The following ESRRG variants were observed in gnomAD, a reference collection of about 807,000 sequenced individuals.
ESRRG encodes the protein estrogen related receptor gamma, also known as estrogen-related receptor gamma.
Under a neutral mutation model 44.0 loss-of-function variants are expected in ESRRG, and 13 were observed. The ratio of observed to expected loss-of-function variants is 0.30; its 90% CI spans 0.19 to 0.47. The LOEUF is 0.47. Among genes scored for constraint, ESRRG ranks in the 20% least tolerant of loss-of-function variants. The pLI, the probability that ESRRG is intolerant of heterozygous loss-of-function variation, is 1.00. For synonymous variants in ESRRG, 215 were observed against 214.6 expected, an observed-to-expected ratio of 1.00 and a Z score of -0.02; for missense variants, 395 against 580.6, an observed-to-expected ratio of 0.68 and a Z score of 3.29.
At position 216,532,385 on chromosome 1, in the gene ESRRG, G is replaced by A. The variant is rs116225362; in HGVS notation, c.863-12964C>T. ...ATCCCAGAGCTGCACTAAAGTGACCGCTAAACAGAGCTGCACAGATGGAGG... is the reference window on the plus strand; with the variant it reads ...ATCCCAGAGCTGCACTAAAGTGACCACTAAACAGAGCTGCACAGATGGAGG... On this transcript the variant is annotated intron_variant, in intron 5 of 6. Coordinates refer to ENST00000408911, the MANE Select transcript of ESRRG (RefSeq NM_001438.4). 6.9e-3 allele frequency among the ~76,000 whole-genome samples: 1,056 copies of A among 152,238 alleles called. 6 individuals are homozygous for A. The highest frequency in any genetic ancestry group is 0.024 in the African/African-American group (996 of 41,548).
upstream of ESRRG, among the ~76,000 whole-genome samples, chr1:217,094,359 G>A (rs191181750): frequency 1.2e-4 from 18 of 152,300 alleles, no homozygotes; most frequent in East Asian, 1.9e-4. Context: ...TTCAACTCAC[G>A]TGTAGCTTGA....
intron 1 of ESRRG, among the ~76,000 whole-genome samples, chr1:217,085,953 G>T (rs189908116): frequency 6.6e-6 from 1 of 152,154 alleles, no homozygotes; most frequent in African/African-American, 2.4e-5. Context: ...TTGCAAAGCC[G>T]TATGATTTCA....
intron 1 of ESRRG, among the ~76,000 whole-genome samples, chr1:217,008,202 C>T (rs570620454): frequency 1.4e-4 from 21 of 152,284 alleles, no homozygotes; most frequent in African/African-American, 4.8e-4. Context: ...ATATGGGCAA[C>T]GTAACTATTA....
chr1:217,015,468 C>A (rs1245508760), intron 1 of ESRRG, among the ~76,000 whole-genome samples: 1 of 152,016 alleles, frequency 6.6e-6, no homozygotes, highest in Admixed American at 6.6e-5. Context: ...AAACTAGTAT[C>A]TTTTCTTTCA....
chr1:216,807,715 TA>T (rs35032983), intron 2 of ESRRG, among the ~76,000 whole-genome samples: 192 of 147,054 alleles, frequency 1.3e-3, no homozygotes, highest in African/African-American at 2.8e-3. Flanking sequence ...CCTTTGCCAA[TA>T]AAAAAAAAAA....
chr1:217,076,746 C>G (rs1056970896), intron 1 of ESRRG: 1 of 152,224 alleles, frequency 6.6e-6, no homozygotes. Flanking sequence ...ACCTATTCCT[C>G]TTATGTCAAG....
At chr1:216,510,019 G>A (rs946380020) in intron 6 of ESRRG, among the ~76,000 whole-genome samples, 3 of 152,104 alleles carry the variant, frequency 2.0e-5, no homozygotes, top group Non-Finnish European at 4.4e-5. Flanking sequence ...TTTTAACTAT[G>A]CTTTAAAGGA....
At chr1:217,056,775 A>T (rs554575537) in intron 1 of ESRRG, among the ~76,000 whole-genome samples, 1 of 151,518 alleles carries the variant, frequency 6.6e-6, no homozygotes, top group African/African-American at 2.4e-5. Context: ...TAGGAGACAA[A>T]GTTTCCTCTT....
At position 216,539,970 on chromosome 1, in the gene ESRRG, TTGAAA is replaced by T. The variant is rs1268686873; in HGVS notation, c.863-20554_863-20550del. ...AAATTTTAATTTTATTAAAAGAATCTTGAAATGAAGTGAAAAATTAAAAAAATCAT... is the reference window on the plus strand; with the variant it reads ...AAATTTTAATTTTATTAAAAGAATCTTGAAGTGAAAAATTAAAAAAATCAT... On this transcript the variant is annotated intron_variant, in intron 5 of 6. Transcript: ENST00000408911. Among the ~76,000 whole-genome samples, 3 of 152,112 alleles carry T rather than the reference TTGAAA, an allele frequency of 2.0e-5. No individual in the cohort carries two copies. In the East Asian group the frequency reaches 5.8e-4, roughly 30 times the overall value.
intron 3 of ESRRG, among the ~76,000 whole-genome samples, chr1:216,608,634 G>C (rs1490963936): frequency 6.6e-6 from 1 of 152,184 alleles, no homozygotes; most frequent in Admixed American, 6.5e-5. Flanking sequence ...TCAGAAGCCA[G>C]TGTTCCATTT....
chr1:216,734,858 T>A (rs2089555720), intron 2 of ESRRG, among the ~76,000 whole-genome samples: 1 of 151,772 alleles, frequency 6.6e-6, no homozygotes, highest in Non-Finnish European at 1.5e-5. Flanking sequence ...CCCTCTACCC[T>A]GTAAATAAAT....
intron 5 of ESRRG, among the ~76,000 whole-genome samples, chr1:216,553,128 T>C (rs1033713653): frequency 4.0e-5 from 6 of 151,270 alleles, no homozygotes; most frequent in Admixed American, 2.0e-4. Flanking sequence ...TTTCCTAAAA[T>C]GCTGACCATG....
intron 3 of ESRRG, among the ~76,000 whole-genome samples, chr1:216,623,146 G>A (rs531771607): frequency 1.5e-5 from 2 of 131,574 alleles, no homozygotes; most frequent in Admixed American, 8.9e-5. Context: ...GCAGTGCCGC[G>A]ATCTCGGCTC....
chr1:217,036,369 T>G (rs540755412), intron 1 of ESRRG, among the ~76,000 whole-genome samples: 1 of 152,340 alleles, frequency 6.6e-6, no homozygotes, highest in East Asian at 1.9e-4. Context: ...ATGTGTATGT[T>G]CATTGCAGCA....
intron 2 of ESRRG, among the ~76,000 whole-genome samples, chr1:216,852,082 T>C (rs562900704): frequency 2.6e-5 from 4 of 152,288 alleles, no homozygotes; most frequent in African/African-American, 9.6e-5. Flanking sequence ...AATAAAGACT[T>C]AAAGCAAAGA....
Position 216,530,364 on chromosome 1 carries a change from A to G in ESRRG, c.863-10943T>C, listed in dbSNP as rs145761249. Among the ~76,000 whole-genome samples the G allele has an allele frequency of 1.2e-4, 18 of 152,162 alleles. No individual in the cohort carries two copies. The South Asian group carries it at 1.4e-3, about 12-fold the overall frequency. ...CTGATGTAGTACAAGAGACAAAACT[A>G]GAAGGAAAAGAGAAGTGCTCACTGG... On this transcript the variant is annotated intron_variant, in intron 5 of 6. Transcript: ENST00000408911.
intron 2 of ESRRG, among the ~76,000 whole-genome samples, chr1:216,905,963 C>G (rs1272342246): frequency 6.6e-6 from 1 of 152,168 alleles, no homozygotes; most frequent in African/African-American, 2.4e-5. Flanking sequence ...ATTGGCCAGC[C>G]TGGTCTCAAA....
At position 216,564,250 on chromosome 1, in the gene ESRRG, C is replaced by A; in HGVS notation, c.831G>T (p.Val277=). The A allele has an allele frequency of 6.4e-7, 1 of 1,574,714 alleles. No individual in the cohort carries two copies. The highest frequency in any genetic ancestry group is 8.6e-7 in the Non-Finnish European group (1 of 1,161,830). Reference sequence around the variant, plus strand: ...TATGCTTCGCCCATCCAATGATAACCACCAACTCTCGGTCGGCCAAGTCAC... The same window carrying A: ...TATGCTTCGCCCATCCAATGATAACAACCAACTCTCGGTCGGCCAAGTCAC... ...TLCDLADREL[V]VIIGWAKHIP... Residue 277 remains valine (V), a synonymous_variant, in exon 5 of 7, where the codon GTG becomes GTT. Transcript: ENST00000408911.
At position 216,558,048 on chromosome 1, in the gene ESRRG, A is replaced by G. The variant is rs117712616; in HGVS notation, c.862+6171T>C. Among the ~76,000 whole-genome samples the G allele has an allele frequency of 1.1e-3, 172 of 152,244 alleles. 5 individuals are homozygous for G. In the East Asian group the frequency reaches 0.029, roughly 26 times the overall value. On this transcript the variant is annotated intron_variant, in intron 5 of 6. Transcript: ENST00000408911. ...ATATTTAGTATGATGACAGAATTGT[A>G]TATTAGGTCAAAAACAATGGCATGA...
Sources: gnomAD v4.1 joint callset for allele counts (sites outside exome capture counted in the v4.1 genomes callset) on GRCh38, gnomAD v4.1.1 for gene constraint, MANE v1.5 for transcripts, NCBI Gene and HGNC (gene_info 2026-07-23, HGNC 2026-07-21) for gene names.